The following ABL1 variants were observed in gnomAD, a reference collection of about 807,000 sequenced individuals.
The protein encoded by ABL1 is tyrosine-protein kinase ABL1.
In ABL1, 11 loss-of-function variants were observed where a neutral mutation model predicts 94.7. The observed-to-expected ratio is 0.12, with a 90% CI of 0.07 to 0.19. ABL1 has a LOEUF of 0.19. Among genes scored for constraint, ABL1 ranks in the 10% least tolerant of loss-of-function variants. The pLI, the probability that ABL1 is intolerant of heterozygous loss-of-function variation, is 1.00. For missense variants in ABL1, 1,082 were observed against 1,489.4 expected (o/e 0.73, Z 4.50); for synonymous variants, 656 against 622.4 (o/e 1.05, Z -0.80).
At chr9:130,770,035 C>G (rs2132765532) in intron 1 of ABL1, among the ~76,000 whole-genome samples, 1 of 152,266 alleles carries the variant, frequency 6.6e-6, no homozygotes, top group Non-Finnish European at 1.5e-5. Context: ...CCTTTTGTGT[C>G]TCTGAGTAGT....
chr9:130,764,953 CA>C (rs796266543), intron 1 of ABL1, among the ~76,000 whole-genome samples: 3,155 of 105,046 alleles, frequency 0.03, 93 homozygotes, highest in African/African-American at 0.09. Flanking sequence ...AAGACTGTCT[CA>C]AAAAAAAAAA....
At chr9:130,775,918 T>C (rs945688240) in intron 1 of ABL1, among the ~76,000 whole-genome samples, 1 of 152,170 alleles carries the variant, frequency 6.6e-6, no homozygotes. Context: ...TGGAACAGTA[T>C]CTTAAAAGCG....
intron 8 of ABL1, 72 bp downstream of exon 8, chr9:130,878,639 TAC>T (rs1831393522): frequency 6.5e-7 from 1 of 1,547,340 alleles, no homozygotes; most frequent in African/African-American, 1.4e-5. Context: ...CAGGAGTGTG[TAC>T]ACAAAGTTGA....
chr9:130,868,272 T>G (rs1057258506), intron 4 of ABL1, among the ~76,000 whole-genome samples: 2 of 152,088 alleles, frequency 1.3e-5, no homozygotes, highest in African/African-American at 4.8e-5. Flanking sequence ...CTTCAGTGTA[T>G]TTAGCTGTGT....
rs150557006 is a variant in ABL1, at chr9:130,736,667, T to A, written c.136+22212T>A. Among the ~76,000 whole-genome samples, 597 of 152,274 alleles carry A rather than the reference T, an allele frequency of 3.9e-3. 4 individuals carry two copies. Among genetic ancestry groups the A allele is most frequent in the African/African-American group, 0.013 (555 of 41,558 alleles). On this transcript the variant is annotated intron_variant, in intron 1 of 10. Coordinates refer to the ABL1 transcript ENST00000372348. ...CCACCACACCCGGCTAATTTTGTAT[T>A]TTTAGTAGAGACGGGGTTTCTCCAT...
At chr9:130,720,206 C>T (rs1261476775) in intron 1 of ABL1, among the ~76,000 whole-genome samples, 1 of 152,056 alleles carries the variant, frequency 6.6e-6, no homozygotes, top group Non-Finnish European at 1.5e-5. Flanking sequence ...GGAGGAGACA[C>T]ATCATAAATA....
intron 1 of ABL1, among the ~76,000 whole-genome samples, chr9:130,784,524 C>T (rs1829802488): frequency 6.6e-6 from 1 of 152,088 alleles, no homozygotes; most frequent in African/African-American, 2.4e-5. Context: ...TTCATATATC[C>T]TGCCATCCCC....
At chr9:130,831,071 G>A (rs1426449989), upstream of ABL1, among the ~76,000 whole-genome samples, 1 of 152,236 alleles carries the variant, frequency 6.6e-6, no homozygotes, top group Non-Finnish European at 1.5e-5. Flanking sequence ...GTACCTGGCA[G>A]GCTCTTGCTG....
At chr9:130,816,266 C>T (rs187708827) in intron 1 of ABL1, among the ~76,000 whole-genome samples, 3 of 152,190 alleles carry the variant, frequency 2.0e-5, no homozygotes, top group Non-Finnish European at 4.4e-5. Flanking sequence ...TCACTCTTCA[C>T]CTCCTTTGGG....
chr9:130,786,555 C>T (rs1052723387), intron 1 of ABL1, among the ~76,000 whole-genome samples: 5 of 152,164 alleles, frequency 3.3e-5, no homozygotes, highest in African/African-American at 1.2e-4. Context: ...GGTACATCAC[C>T]TCTTCCTCGG....
intron 1 of ABL1, among the ~76,000 whole-genome samples, chr9:130,799,781 T>G (rs1323642038): frequency 6.6e-6 from 1 of 152,054 alleles, no homozygotes; most frequent in Non-Finnish European, 1.5e-5. Flanking sequence ...ACTCTGTCAA[T>G]CAAAAAAAGC....
At chr9:130,850,774 T>A (rs180896477) in intron 1 of ABL1, among the ~76,000 whole-genome samples, 1 of 152,292 alleles carries the variant, frequency 6.6e-6, no homozygotes, top group African/African-American at 2.4e-5. Context: ...CCCAAAGTGC[T>A]GGGATAACAG....
intron 1 of ABL1, among the ~76,000 whole-genome samples, chr9:130,785,928 TAAAAA>T (rs34333699): frequency 0.014 from 788 of 56,680 alleles, 5 homozygotes; most frequent in African/African-American, 0.045. Context: ...GTCTCAAAAC[TAAAAA>T]AAAAAAAAAA....
chr9:130,802,186 G>A (rs1389411755), intron 1 of ABL1, among the ~76,000 whole-genome samples: 1 of 147,218 alleles, frequency 6.8e-6, no homozygotes, highest in Non-Finnish European at 1.5e-5. Flanking sequence ...TTGGCCTCCT[G>A]GGTTTAAGCC....
rs890170477 is a variant in ABL1 at position 130,854,995 on chromosome 9, T to C, written c.448T>C (p.Leu150=). The change falls in exon 3 of 11, where the codon TTG becomes CTG. Residue 150 remains leucine (L), a synonymous_variant. Coordinates refer to ENST00000318560, the MANE Select transcript of ABL1 (RefSeq NM_005157.6). ...GAGCAGCGGGATCAATGGCAGCTTC[T>C]TGGTGCGTGAGAGTGAGAGCAGTCC... ...LLSSGINGSF[L]VRESESSPGQ... is the part of the protein sequence containing the mutation. 38 of 1,614,188 alleles carry C rather than the reference T, an allele frequency of 2.4e-5. No individual in the cohort carries two copies. Among genetic ancestry groups the C allele is most frequent in the Non-Finnish European group, 3.2e-5 (38 of 1,180,038 alleles).
intron 1 of ABL1, among the ~76,000 whole-genome samples, chr9:130,729,530 A>G (rs1016410048): frequency 1.3e-5 from 2 of 152,188 alleles, no homozygotes; most frequent in Admixed American, 1.3e-4. Context: ...AAGGTGCCCC[A>G]GGCAGGAAGT....
intron 1 of ABL1, among the ~76,000 whole-genome samples, chr9:130,753,042 G>T (rs901378080): frequency 1.3e-5 from 2 of 151,918 alleles, no homozygotes; most frequent in African/African-American, 4.8e-5. Flanking sequence ...GGATCACGAG[G>T]TCAGGAGATC....
At chr9:130,798,589 C>T (rs1293387243) in intron 1 of ABL1, among the ~76,000 whole-genome samples, 3 of 152,058 alleles carry the variant, frequency 2.0e-5, no homozygotes, top group Non-Finnish European at 4.4e-5. Flanking sequence ...GCACCTGTAC[C>T]TTAGTATGTC....
exon 1 of ABL1, among the ~76,000 whole-genome samples, chr9:130,713,105 G>T (rs888477349): frequency 2.0e-5 from 3 of 152,354 alleles, no homozygotes; most frequent in African/African-American, 7.2e-5. Context: ...GCCGGAGCCG[G>T]TTCCCGGGTC....
Sources: allele counts gnomAD v4.1 joint callset (sites outside exome capture counted in the v4.1 genomes callset), GRCh38; gene constraint gnomAD v4.1.1; transcripts MANE v1.5; gene names NCBI Gene and HGNC (gene_info 2026-07-23, HGNC 2026-07-21).